The following PPIL4 variants were observed in gnomAD, a reference collection of about 807,000 sequenced individuals.
PPIL4 encodes the protein peptidyl-prolyl cis-trans isomerase-like 4.
PPIL4 carries 50 observed loss-of-function variants against 69.1 expected under a neutral mutation model. The observed-to-expected ratio is 0.72, with a 90% CI of 0.58 to 0.92. The LOEUF is 0.92. Ranked by LOEUF, PPIL4 falls within the 40% of genes least tolerant of loss-of-function variation. The probability of loss-of-function intolerance (pLI) is 0.00; values close to 1 mark genes in which losing one functional copy is unlikely to be tolerated. For synonymous variants in PPIL4, 193 were observed against 191.6 expected, an observed-to-expected ratio of 1.01 and a Z score of -0.06; for missense variants, 480 against 587.9, an observed-to-expected ratio of 0.82 and a Z score of 1.90.
chr6:149,521,012 CAAA>C (rs373268154), intron 10 of PPIL4, 45 bp downstream of exon 10: 1,863 of 860,610 alleles, frequency 2.2e-3, no homozygotes, highest in Admixed American at 2.8e-3. Context: ...GACTCCATCT[CAAA>C]AAAAAAAAAA....
chr6:149,539,593 T>C (rs1383185369), intron 4 of PPIL4, among the ~76,000 whole-genome samples: 1 of 152,144 alleles, frequency 6.6e-6, no homozygotes, highest in Non-Finnish European at 1.5e-5. Flanking sequence ...TTTCCTGGGC[T>C]GGTCTCGAAA....
At chr6:149,508,384 A>G (rs1490953467) in intron 12 of PPIL4, among the ~76,000 whole-genome samples, 1 of 152,192 alleles carries the variant, frequency 6.6e-6, no homozygotes, top group Non-Finnish European at 1.5e-5. Flanking sequence ...TTATTTATAC[A>G]TTTAAAACAT....
At chr6:149,531,078 T>C (rs1373600773) in intron 7 of PPIL4, among the ~76,000 whole-genome samples, 2 of 151,908 alleles carry the variant, frequency 1.3e-5, no homozygotes, top group Non-Finnish European at 2.9e-5. Flanking sequence ...AAAAATATTC[T>C]ATTGGCCGGG....
In PPIL4 at chr6:149,527,433, T is replaced by TA. The variant is rs1331367049; in HGVS notation, c.679-658dup. Among the ~76,000 whole-genome samples the TA allele has an allele frequency of 2.0e-5, 3 of 152,322 alleles. No individual in the cohort carries two copies. The East Asian group carries it at 5.8e-4, about 29-fold the overall frequency. On this transcript the variant is annotated intron_variant, in intron 7 of 12. Transcript: ENST00000253329. ...TAACTTGCCCAAGACCACACAGTGG[T>TA]AAACAACAGAGCTGGGATTTGAACC...
At chr6:149,521,644 G>A (rs1777031767) in intron 9 of PPIL4, among the ~76,000 whole-genome samples, 1 of 152,146 alleles carries the variant, frequency 6.6e-6, no homozygotes, top group South Asian at 2.1e-4. Context: ...ATATTCATTT[G>A]TTTCACTGCA....
chr6:149,511,283 G>A (rs937983212), intron 12 of PPIL4, among the ~76,000 whole-genome samples: 4 of 151,894 alleles, frequency 2.6e-5, no homozygotes, highest in Non-Finnish European at 4.4e-5. Flanking sequence ...CATCCAGGCT[G>A]GAGGGCAGTG....
intron 12 of PPIL4, among the ~76,000 whole-genome samples, chr6:149,507,489 A>G (rs1776786204): frequency 6.6e-6 from 1 of 152,226 alleles, no homozygotes; most frequent in African/African-American, 2.4e-5. Flanking sequence ...TATAACATAT[A>G]CAAAATAGAA....
intron 9 of PPIL4, among the ~76,000 whole-genome samples, chr6:149,524,586 G>A (rs952299501): frequency 1.3e-5 from 2 of 152,106 alleles, no homozygotes; most frequent in African/African-American, 4.8e-5. Flanking sequence ...TCTCTGAAGG[G>A]CTTTACTTAG....
At chr6:149,545,435 C>T (rs1777424181) in intron 1 of PPIL4, among the ~76,000 whole-genome samples, 1 of 152,146 alleles carries the variant, frequency 6.6e-6, no homozygotes, top group Non-Finnish European at 1.5e-5. Context: ...CAGGACTTAG[C>T]CCAGTGCCTC....
chr6:149,534,894 C>CA, intron 5 of PPIL4, 120 bp from the exon 6 acceptor site: 1 of 572,638 alleles, frequency 1.7e-6, no homozygotes, highest in Non-Finnish European at 3.0e-6. Flanking sequence ...ACCCATATTG[C>CA]ATATGGATAT....
intron 7 of PPIL4, 77 bp downstream of exon 7, chr6:149,533,381 G>A: frequency 1.2e-6 from 1 of 807,430 alleles, no homozygotes; most frequent in East Asian, 2.6e-5. Context: ...TAAGACTACT[G>A]AAGAGCCAGA....
In PPIL4 at chr6:149,533,577, G is replaced by A. The variant is rs1244507005; in HGVS notation, c.562-3C>T. On this transcript the variant is annotated splice_region_variant and splice_polypyrimidine_tract_variant and intron_variant, in intron 6 of 12. Coordinates refer to ENST00000253329, the MANE Select transcript of PPIL4 (RefSeq NM_139126.4). Reference sequence around the variant, plus strand: ...TCATCTGCTCCTATTCGACCACTCTGTTAAGACAGAAGTTACTCATGTATA... The same window carrying A: ...TCATCTGCTCCTATTCGACCACTCTATTAAGACAGAAGTTACTCATGTATA... 3.9e-6 allele frequency: 6 copies of A among 1,545,772 alleles called. No individual in the cohort carries two copies. Among genetic ancestry groups the A allele is most frequent in the Non-Finnish European group, 5.4e-6 (6 of 1,120,618 alleles).
chr6:149,509,175 T>C (rs986925650), intron 12 of PPIL4, among the ~76,000 whole-genome samples: 7 of 152,096 alleles, frequency 4.6e-5, no homozygotes, highest in African/African-American at 4.8e-5. Context: ...ATAGTTAATA[T>C]TGCCTTAAAA....
At chr6:149,514,766 GT>G (rs1776915971) in intron 11 of PPIL4, among the ~76,000 whole-genome samples, 1 of 2,968 alleles carries the variant, frequency 3.4e-4, no homozygotes, top group Non-Finnish European at 6.0e-4. Context: ...TTTGGTTCAA[GT>G]GTGTGTGTGT....
chr6:149,512,138 C>G lies in PPIL4; in HGVS notation c.1227+17G>C. ...AATATTTATTTCTCCACATCTAAGTCTGGACATTAGAGGTACCTGATTAGT... is the reference window on the plus strand; with the variant it reads ...AATATTTATTTCTCCACATCTAAGTGTGGACATTAGAGGTACCTGATTAGT... On this transcript the variant is annotated intron_variant, in intron 12 of 12. Transcript: ENST00000253329. 1 of 1,572,594 alleles carries G rather than the reference C, an allele frequency of 6.4e-7. No homozygotes were observed. Among genetic ancestry groups the G allele is most frequent in the Non-Finnish European group, 8.7e-7 (1 of 1,155,088 alleles).
intron 7 of PPIL4, among the ~76,000 whole-genome samples, chr6:149,530,103 G>C (rs371341440): frequency 6.6e-6 from 1 of 152,202 alleles, no homozygotes; most frequent in South Asian, 2.1e-4. Flanking sequence ...CAGTTCCACC[G>C]AATGTACAAC....
chr6:149,545,552 G>T (rs903434824), intron 1 of PPIL4, among the ~76,000 whole-genome samples: 10 of 152,038 alleles, frequency 6.6e-5, no homozygotes, highest in Admixed American at 6.5e-4. Context: ...AGATTTAACC[G>T]ATTACACACC....
intron 12 of PPIL4, among the ~76,000 whole-genome samples, chr6:149,507,555 A>G (rs1776787251): frequency 6.6e-6 from 1 of 152,232 alleles, no homozygotes. Context: ...ATTGGTTGAG[A>G]CAAACTTTTA....
At chr6:149,508,006 A>G (rs905931919) in intron 12 of PPIL4, among the ~76,000 whole-genome samples, 1 of 152,246 alleles carries the variant, frequency 6.6e-6, no homozygotes, top group Non-Finnish European at 1.5e-5. Context: ...CCCTGTATGT[A>G]TGAAGGGGAA....
Sources: allele counts gnomAD v4.1 joint callset (sites outside exome capture counted in the v4.1 genomes callset), GRCh38; gene constraint gnomAD v4.1.1; transcripts MANE v1.5; gene names NCBI Gene and HGNC (gene_info 2026-07-23, HGNC 2026-07-21).